Variants in LTBP2 observed in about 807,000 individuals in gnomAD.
The protein encoded by LTBP2 is latent-transforming growth factor beta-binding protein 2.
A neutral mutation model predicts 210.6 loss-of-function variants in LTBP2; 103 were observed. The ratio of observed to expected loss-of-function variants is 0.49; its 90% CI spans 0.42 to 0.58. The LOEUF is 0.58. Ranked by LOEUF, LTBP2 falls within the 20% of genes least tolerant of loss-of-function variation. The probability of loss-of-function intolerance (pLI) is 0.00; values close to 1 mark genes in which losing one functional copy is unlikely to be tolerated. For missense variants in LTBP2, 2,313 were observed against 2,494.5 expected (o/e 0.93, Z 1.55); for synonymous variants, 1,007 against 1,015.0 (o/e 0.99, Z 0.15).
intron 24 of LTBP2, 73 bp downstream of exon 24, chr14:74,508,531 C>T: frequency 6.4e-7 from 1 of 1,559,202 alleles, no homozygotes; most frequent in East Asian, 2.3e-5. Context: ...CGCCCATGCT[C>T]CTGACCAGTA....
intron 17 of LTBP2, among the ~76,000 whole-genome samples, chr14:74,518,159 A>G (rs1026312435): frequency 6.6e-6 from 1 of 150,524 alleles, no homozygotes; most frequent in Non-Finnish European, 1.5e-5. Context: ...TCACCTTCCC[A>G]CTCTCCCCCT....
At chr14:74,594,623 C>G (rs899709252) in intron 2 of LTBP2, among the ~76,000 whole-genome samples, 9 of 152,214 alleles carry the variant, frequency 5.9e-5, no homozygotes, top group Non-Finnish European at 1.2e-4. Flanking sequence ...CCCTGGGCAT[C>G]CAACTTGGGA....
rs760036288 is a variant in LTBP2 at position 74,504,835 on chromosome 14, C to T, written c.4396G>A (p.Gly1466Arg). 1.4e-4 allele frequency: 218 copies of T among 1,614,096 alleles called. No homozygotes were observed. Among genetic ancestry groups the T allele is most frequent in the Non-Finnish European group, 1.8e-4 (211 of 1,180,048 alleles). Residue 1466 changes from glycine (G) to arginine (R), a missense_variant, in exon 30 of 36, where the codon GGA (glycine) becomes AGA (arginine). Coordinates refer to ENST00000261978, the MANE Select transcript of LTBP2 (RefSeq NM_000428.3). ...CCTTCCACAGGAATGTAGCCTTTTC[C>T]ACTAGGGCAGATCTCGCTGAATTCA... ...SAEFSEICPS[G>R]KGYIPVEGAW...
chr14:74,507,407 C>G (rs1260791686), intron 25 of LTBP2, 97 bp from the exon 26 acceptor site: 14 of 1,547,074 alleles, frequency 9.0e-6, no homozygotes, highest in African/African-American at 1.4e-5. Context: ...GGTTCTTGAT[C>G]TATTCCAAAT....
chr14:74,597,221 G>A (rs974891486), intron 2 of LTBP2, among the ~76,000 whole-genome samples: 1 of 152,172 alleles, frequency 6.6e-6, no homozygotes, highest in African/African-American at 2.4e-5. Flanking sequence ...TGAGCCCCGG[G>A]CATTACTGTT....
At chr14:74,534,142 C>T (rs1029465794) in intron 9 of LTBP2, among the ~76,000 whole-genome samples, 13 of 152,170 alleles carry the variant, frequency 8.5e-5, no homozygotes, top group African/African-American at 3.1e-4. Flanking sequence ...GGCAGTGATC[C>T]ATATGCATCC....
intron 2 of LTBP2, among the ~76,000 whole-genome samples, chr14:74,596,736 G>C (rs963651743): frequency 1.3e-5 from 2 of 152,234 alleles, no homozygotes; most frequent in Non-Finnish European, 2.9e-5. Context: ...CAAAGCCTGA[G>C]TGAGAGGAAG....
At chr14:74,540,818 A>AT (rs1425456437) in intron 8 of LTBP2, among the ~76,000 whole-genome samples, 2 of 18,382 alleles carry the variant, frequency 1.1e-4, no homozygotes, top group African/African-American at 1.5e-4. Context: ...TAATATATAT[A>AT]TATTTTTATA....
chr14:74,571,512 A>C (rs534617878), intron 3 of LTBP2, among the ~76,000 whole-genome samples: 1 of 152,358 alleles, frequency 6.6e-6, no homozygotes, highest in South Asian at 2.1e-4. Context: ...CTGCATAGCT[A>C]AGTGGTGGAG....
At chr14:74,505,980 G>A (rs2086978027) in intron 28 of LTBP2, 68 bp downstream of exon 28, 1 of 1,595,968 alleles carries the variant, frequency 6.3e-7, no homozygotes, top group Non-Finnish European at 8.6e-7. Context: ...GCTAGTAGAG[G>A]GATGCAGAGG....
At chr14:74,502,356 G>T (rs1003944184) in intron 34 of LTBP2, among the ~76,000 whole-genome samples, 1 of 152,212 alleles carries the variant, frequency 6.6e-6, no homozygotes, top group Non-Finnish European at 1.5e-5. Context: ...GGGAGAAAAA[G>T]ACTGCAGTGA....
chr14:74,546,048 T>C (rs116021396), intron 8 of LTBP2, among the ~76,000 whole-genome samples: 142 of 152,302 alleles, frequency 9.3e-4, no homozygotes, highest in African/African-American at 3.4e-3. Context: ...TCTTCAACAG[T>C]CCAGCACAGA....
chr14:74,499,215 ATT>A lies in LTBP2; in HGVS notation c.*1667_*1668del, dbSNP rs1311472998. 9.3e-6 allele frequency: 2 copies of A among 215,090 alleles called. No individual in the cohort carries two copies. The highest frequency in any genetic ancestry group is 1.4e-4 in the East Asian group (2 of 14,172). The allele number at this position is 215,090 out of a possible 1,614,324, so 13.3% of individuals were successfully genotyped here. On this transcript the variant is annotated 3_prime_UTR_variant, in exon 36 of 36. Transcript: ENST00000261978. Reference sequence around the variant, plus strand: ...GGATCTCAGTATGGTTTTAAGTTGCATTTCTTTTATTATGAGTGAAAGAATAT... The same window carrying A: ...GGATCTCAGTATGGTTTTAAGTTGCATCTTTTATTATGAGTGAAAGAATAT...
chr14:74,561,502 G>T (rs2087793451), intron 3 of LTBP2, among the ~76,000 whole-genome samples: 1 of 152,068 alleles, frequency 6.6e-6, no homozygotes, highest in African/African-American at 2.4e-5. Flanking sequence ...TTCCCCTACA[G>T]ATGTTTATAT....
At chr14:74,609,079 T>G (rs1566659317) in intron 1 of LTBP2, among the ~76,000 whole-genome samples, 1 of 152,234 alleles carries the variant, frequency 6.6e-6, no homozygotes, top group Non-Finnish European at 1.5e-5. Context: ...ACTTGGTCCC[T>G]GGCTGTCTGC....
chr14:74,560,631 T>A (rs530559935), intron 3 of LTBP2, among the ~76,000 whole-genome samples: 35 of 152,350 alleles, frequency 2.3e-4, no homozygotes, highest in Admixed American at 7.8e-4. Context: ...GCTGCTCTCC[T>A]CTATTTACTT....
At chr14:74,552,013 C>T (rs899848776) in intron 6 of LTBP2, among the ~76,000 whole-genome samples, 174 bp downstream of exon 6, 8 of 151,984 alleles carry the variant, frequency 5.3e-5, no homozygotes, top group Non-Finnish European at 7.4e-5. Flanking sequence ...TGGGAGGGGG[C>T]TGAGAAGTTG....
chr14:74,560,054 A>G (rs1415255295), intron 3 of LTBP2: 1 of 152,190 alleles, frequency 6.6e-6, no homozygotes, highest in African/African-American at 2.4e-5. Context: ...AGCCTCCACA[A>G]TGGACCAAAA....
chr14:74,528,250 C>T (rs752631983), intron 12 of LTBP2, among the ~76,000 whole-genome samples: 1 of 152,196 alleles, frequency 6.6e-6, no homozygotes, highest in Non-Finnish European at 1.5e-5. Flanking sequence ...CCCACCTCCA[C>T]AAGCAACTCC....
Sources: allele counts gnomAD v4.1 joint callset (sites outside exome capture counted in the v4.1 genomes callset), GRCh38; gene constraint gnomAD v4.1.1; transcripts MANE v1.5; gene names NCBI Gene and HGNC (gene_info 2026-07-23, HGNC 2026-07-21).